Variants in ENTREP2 observed in about 807,000 individuals in gnomAD.
ENTREP2 encodes the protein endosomal transmembrane epsin interactor 2, also known as protein ENTREP2.
the ENTREP2 span, among the ~76,000 whole-genome samples, chr15:29,451,351 C>T: frequency 1.3e-5 from 2 of 152,182 alleles, no homozygotes; most frequent in Non-Finnish European, 2.9e-5. Flanking sequence ...CACCCCTTCT[C>T]GCCTCTCCCA....
the ENTREP2 span, among the ~76,000 whole-genome samples, chr15:29,645,831 T>A: frequency 2.6e-5 from 4 of 152,182 alleles, no homozygotes; most frequent in African/African-American, 9.7e-5. Flanking sequence ...AGTGCTGGGA[T>A]TACAGGCGTG....
the ENTREP2 span, among the ~76,000 whole-genome samples, chr15:29,567,611 G>A: frequency 6.6e-6 from 1 of 152,138 alleles, no homozygotes; most frequent in Admixed American, 6.5e-5. Flanking sequence ...CAGTTCTGCT[G>A]TGTTCCAATG....
the ENTREP2 span, among the ~76,000 whole-genome samples, chr15:29,476,150 A>G: frequency 5.3e-5 from 8 of 152,272 alleles, no homozygotes; most frequent in Admixed American, 2.6e-4. Flanking sequence ...CTAAATTTTT[A>G]TAACTAAAAT....
chr15:29,398,305 G>A, the ENTREP2 span, among the ~76,000 whole-genome samples: 3 of 151,930 alleles, frequency 2.0e-5, no homozygotes, highest in South Asian at 4.2e-4. Flanking sequence ...GAAGAACATG[G>A]GGGTTCACGT....
the ENTREP2 span, among the ~76,000 whole-genome samples, chr15:29,321,214 AC>A: frequency 6.6e-6 from 1 of 152,144 alleles, no homozygotes; most frequent in South Asian, 2.1e-4. Flanking sequence ...AAAAAATAAC[AC>A]CTTACCATAG....
chr15:29,191,631 G>C, the ENTREP2 span, among the ~76,000 whole-genome samples: 3 of 152,224 alleles, frequency 2.0e-5, no homozygotes, highest in East Asian at 5.8e-4. Context: ...TACAAAAACC[G>C]AACAGGGATA....
the ENTREP2 span, among the ~76,000 whole-genome samples, chr15:29,277,571 T>C: frequency 3.9e-5 from 6 of 152,130 alleles, no homozygotes; most frequent in Admixed American, 3.3e-4. Context: ...CCTATGAGAA[T>C]CTAATGCTGC....
the ENTREP2 span, among the ~76,000 whole-genome samples, chr15:29,389,332 C>T: frequency 2.0e-5 from 3 of 152,128 alleles, no homozygotes; most frequent in South Asian, 6.2e-4. Flanking sequence ...CTACGACATC[C>T]GGAGTGGGAC....
chr15:29,227,306 A>G, the ENTREP2 span, among the ~76,000 whole-genome samples: 9 of 152,250 alleles, frequency 5.9e-5, no homozygotes, highest in African/African-American at 2.2e-4. Context: ...CAGGCTGAGA[A>G]TAGCAAACAA....
the ENTREP2 span, among the ~76,000 whole-genome samples, chr15:29,455,071 G>A: frequency 3.9e-5 from 6 of 152,120 alleles, no homozygotes; most frequent in Non-Finnish European, 8.8e-5. Context: ...TGTGGCAAAC[G>A]TGAAGTCACC....
the ENTREP2 span, among the ~76,000 whole-genome samples, chr15:29,402,003 AG>A: frequency 6.6e-6 from 1 of 152,112 alleles, no homozygotes; most frequent in East Asian, 1.9e-4. Context: ...GGAGGAGGCG[AG>A]GGGGAACTTG....
chr15:29,560,596 C>T, the ENTREP2 span, among the ~76,000 whole-genome samples: 1 of 152,172 alleles, frequency 6.6e-6, no homozygotes, highest in South Asian at 2.1e-4. Flanking sequence ...GCCACTTCAC[C>T]TTGCTGCTCC....
the ENTREP2 span, among the ~76,000 whole-genome samples, chr15:29,328,598 G>A: frequency 6.6e-6 from 1 of 152,202 alleles, no homozygotes; most frequent in Non-Finnish European, 1.5e-5. Context: ...CTGTACATCA[G>A]TGATGAACTC....
the ENTREP2 span, among the ~76,000 whole-genome samples, chr15:29,263,178 A>C: frequency 6.6e-6 from 1 of 152,248 alleles, no homozygotes; most frequent in Admixed American, 6.5e-5. Context: ...CCTGAACATA[A>C]TCTTGAGAAA....
chr15:29,259,339 A>T, the ENTREP2 span, among the ~76,000 whole-genome samples: 3 of 152,152 alleles, frequency 2.0e-5, no homozygotes, highest in African/African-American at 7.2e-5. Flanking sequence ...TTCCTTCTTG[A>T]CCAATCTCTA....
chr15:29,483,354 T>A, the ENTREP2 span, among the ~76,000 whole-genome samples: 1 of 152,228 alleles, frequency 6.6e-6, no homozygotes, highest in Non-Finnish European at 1.5e-5. Context: ...AGCTTACCAA[T>A]TTTTTCTTTC....
At chr15:29,334,356 G>A in the ENTREP2 span, among the ~76,000 whole-genome samples, 2 of 152,262 alleles carry the variant, frequency 1.3e-5, no homozygotes, top group South Asian at 4.2e-4. Flanking sequence ...GCTCAGGAAG[G>A]TACACAACCC....
chr15:29,224,902 C>T, the ENTREP2 span, among the ~76,000 whole-genome samples: 1 of 152,186 alleles, frequency 6.6e-6, no homozygotes, highest in African/African-American at 2.4e-5. Context: ...TGGGGAGGCT[C>T]AGGCATGGCG....
At chr15:29,141,789 T>C in the ENTREP2 span, among the ~76,000 whole-genome samples, 1 of 152,220 alleles carries the variant, frequency 6.6e-6, no homozygotes, top group African/African-American at 2.4e-5. Flanking sequence ...AACTTCCTCC[T>C]GGACAACCCT....
Sources: allele counts gnomAD v4.1 joint callset (sites outside exome capture counted in the v4.1 genomes callset), GRCh38; gene constraint gnomAD v4.1.1; transcripts MANE v1.5; gene names NCBI Gene and HGNC (gene_info 2026-07-23, HGNC 2026-07-21).